Variants in EPHB1 observed in about 807,000 individuals in gnomAD.
EPHB1 encodes the protein ephrin type-B receptor 1.
EPHB1 carries 30 observed loss-of-function variants against 94.4 expected under a neutral mutation model. That is an observed-to-expected ratio of 0.32 (90% CI 0.24 to 0.43). The LOEUF (loss-of-function observed/expected upper bound fraction) is 0.43. EPHB1 is among the 20% of genes least tolerant of loss of function. EPHB1 has a pLI of 1.00. For synonymous variants in EPHB1, 522 were observed against 489.1 expected (o/e 1.07, Z -0.89); for missense variants, 1,055 against 1,308.3 (o/e 0.81, Z 2.99).
At chr3:135,013,275 A>C (rs1370297774) in intron 3 of EPHB1, among the ~76,000 whole-genome samples, 3 of 152,220 alleles carry the variant, frequency 2.0e-5, no homozygotes, top group Admixed American at 2.0e-4. Context: ...AGTGAGTAGC[A>C]GAGGTTTGCC....
intron 3 of EPHB1, among the ~76,000 whole-genome samples, chr3:135,034,028 A>G (rs1019383849): frequency 1.3e-5 from 2 of 152,116 alleles, no homozygotes; most frequent in African/African-American, 4.8e-5. Flanking sequence ...ATTATTCAGA[A>G]TTTCATTTCT....
At chr3:134,858,376 G>T (rs1430162069) in intron 1 of EPHB1, among the ~76,000 whole-genome samples, 1 of 152,168 alleles carries the variant, frequency 6.6e-6, no homozygotes, top group African/African-American at 2.4e-5. Context: ...GGGAGGGCGT[G>T]TGGGTCTGCC....
At chr3:135,029,873 GATTTT>G (rs1325349121) in intron 3 of EPHB1, among the ~76,000 whole-genome samples, 3 of 152,016 alleles carry the variant, frequency 2.0e-5, no homozygotes, top group Non-Finnish European at 4.4e-5. Flanking sequence ...ATCAGAGGTA[GATTTT>G]GTCTTTTCAC....
chr3:134,878,486 A>G (rs1285710105), intron 1 of EPHB1, among the ~76,000 whole-genome samples: 6 of 152,216 alleles, frequency 3.9e-5, no homozygotes, highest in African/African-American at 7.2e-5. Flanking sequence ...TAGAGAGAAG[A>G]TAGCTCCTCT....
At position 135,027,158 on chromosome 3, in the gene EPHB1, A is replaced by G. The variant is rs1237336441; in HGVS notation, c.805+75106A>G. Among the ~76,000 whole-genome samples, 684 of 151,092 alleles carry G rather than the reference A, an allele frequency of 4.5e-3. 3 individuals are homozygous for G. Among genetic ancestry groups the G allele is most frequent in the African/African-American group, 0.016 (656 of 41,244 alleles). ...CTACATATACAATCATGTCATCTGC[A>G]AACAGGGACAATTTGACTTCCTCTT... On this transcript the variant is annotated intron_variant, in intron 3 of 15. Transcript: ENST00000398015.
At chr3:135,228,958 C>T (rs201706575) in intron 12 of EPHB1, among the ~76,000 whole-genome samples, 32 of 152,176 alleles carry the variant, frequency 2.1e-4, no homozygotes, top group African/African-American at 7.2e-4. Flanking sequence ...AGCACCCCCC[C>T]ACTTTTTACC....
intron 1 of EPHB1, among the ~76,000 whole-genome samples, chr3:134,851,784 A>G (rs1438484328): frequency 6.6e-6 from 1 of 152,220 alleles, no homozygotes; most frequent in Admixed American, 6.5e-5. Flanking sequence ...TTAATGAGTT[A>G]TGTTGGCTGA....
chr3:134,857,131 CT>C (rs2037138881), intron 1 of EPHB1, among the ~76,000 whole-genome samples: 1 of 152,166 alleles, frequency 6.6e-6, no homozygotes, highest in African/African-American at 2.4e-5. Context: ...ATGAGCCAGC[CT>C]TGGGGGGCAG....
At chr3:135,165,666 G>A (rs1435351472) in intron 7 of EPHB1, among the ~76,000 whole-genome samples, 4 of 152,156 alleles carry the variant, frequency 2.6e-5, no homozygotes, top group African/African-American at 9.7e-5. Context: ...ACAGTTCTTC[G>A]AGAGACCTTC....
chr3:134,795,609 G>C lies in EPHB1; in HGVS notation c.-23G>C, dbSNP rs753435570. Reference sequence around the variant, plus strand: ...GGCGCTGCTGCCTCGGCTTGGTCTCGGCCTGCGGGCCGTCGGCCGGCGATG... The same window carrying C: ...GGCGCTGCTGCCTCGGCTTGGTCTCCGCCTGCGGGCCGTCGGCCGGCGATG... On this transcript the variant is annotated 5_prime_UTR_variant, in exon 1 of 16. Transcript: ENST00000398015. The C allele has an allele frequency of 1.2e-6, 2 of 1,603,244 alleles. No homozygotes were observed. The highest frequency in any genetic ancestry group is 1.4e-5 in the African/African-American group (1 of 72,912).
At chr3:135,149,782 C>A (rs1941134581) in intron 5 of EPHB1, among the ~76,000 whole-genome samples, 1 of 152,210 alleles carries the variant, frequency 6.6e-6, no homozygotes, top group Admixed American at 6.5e-5. Flanking sequence ...GGGCCTGTAA[C>A]CCTCATGTCA....
At chr3:135,227,966 T>C (rs535196321) in intron 12 of EPHB1, among the ~76,000 whole-genome samples, 61 of 152,320 alleles carry the variant, frequency 4.0e-4, no homozygotes, top group African/African-American at 1.5e-3. Flanking sequence ...AGACTCTTCG[T>C]GTGTATTTCC....
intron 3 of EPHB1, among the ~76,000 whole-genome samples, chr3:135,057,884 G>T (rs1222280093): frequency 2.0e-5 from 3 of 152,194 alleles, no homozygotes; most frequent in Admixed American, 6.5e-5. Flanking sequence ...TGTCTTTTAG[G>T]TTGGCTTCAT....
chr3:135,035,237 C>T (rs1311981583), intron 3 of EPHB1, among the ~76,000 whole-genome samples: 1 of 152,180 alleles, frequency 6.6e-6, no homozygotes, highest in African/African-American at 2.4e-5. Context: ...TCCATCGCTC[C>T]TTGGGGAGGC....
At chr3:134,815,782 T>A (rs2108287807) in intron 1 of EPHB1, among the ~76,000 whole-genome samples, 1 of 152,376 alleles carries the variant, frequency 6.6e-6, no homozygotes, top group East Asian at 1.9e-4. Context: ...ATATCAGTTT[T>A]GACCTGGGGA....
intron 5 of EPHB1, among the ~76,000 whole-genome samples, chr3:135,150,961 C>T (rs1941173145): frequency 6.6e-6 from 1 of 152,208 alleles, no homozygotes; most frequent in African/African-American, 2.4e-5. Context: ...CCCCATTCTT[C>T]CAGATGTTTA....
chr3:134,942,318 G>A (rs956292356), intron 2 of EPHB1, among the ~76,000 whole-genome samples: 1 of 152,204 alleles, frequency 6.6e-6, no homozygotes, highest in Non-Finnish European at 1.5e-5. Flanking sequence ...ACGAGCAGGG[G>A]AATTAAGGAG....
chr3:135,247,997 T>A (rs559643231), intron 13 of EPHB1, among the ~76,000 whole-genome samples: 1 of 152,306 alleles, frequency 6.6e-6, no homozygotes, highest in East Asian at 1.9e-4. Context: ...TATGTCTTCT[T>A]AAAGAGCGGA....
At chr3:134,851,513 A>G (rs1475264913) in intron 1 of EPHB1, among the ~76,000 whole-genome samples, 3 of 151,894 alleles carry the variant, frequency 2.0e-5, no homozygotes, top group Admixed American at 2.0e-4. Flanking sequence ...AGCCACCCGT[A>G]TGCACTTTGG....
Sources: gnomAD v4.1 joint callset for allele counts (sites outside exome capture counted in the v4.1 genomes callset) on GRCh38, gnomAD v4.1.1 for gene constraint, MANE v1.5 for transcripts, NCBI Gene and HGNC (gene_info 2026-07-23, HGNC 2026-07-21) for gene names.